SERBP1: variants seen among roughly 807,000 people sequenced by gnomAD.
The protein encoded by SERBP1 is SERPINE1 mRNA binding protein 1, also known as SERPINE1 mRNA-binding protein 1.
SERBP1 carries 6 observed loss-of-function variants against 50.2 expected under a neutral mutation model. That is an observed-to-expected ratio of 0.12 (90% CI 0.07 to 0.24). The LOEUF (loss-of-function observed/expected upper bound fraction) is 0.24. SERBP1 is among the 10% of genes least tolerant of loss of function. The pLI, the probability that SERBP1 is intolerant of heterozygous loss-of-function variation, is 1.00. For synonymous variants in SERBP1, 168 were observed against 182.8 expected, an observed-to-expected ratio of 0.92 and a Z score of 0.65; for missense variants, 346 against 524.9, an observed-to-expected ratio of 0.66 and a Z score of 3.33.
chr1:67,411,526 GCAT>G lies in SERBP1; in HGVS notation c.*1678_*1680del, dbSNP rs902496250. 21 of 152,242 alleles carry G rather than the reference GCAT, an allele frequency of 1.4e-4. No homozygotes were observed. The South Asian group carries it at 1.5e-3, about 11-fold the overall frequency. The allele number at this position is 152,242 out of a possible 1,614,324, so 9.4% of individuals were successfully genotyped here. On this transcript the variant is annotated 3_prime_UTR_variant, in exon 8 of 8. Coordinates refer to ENST00000361219, the MANE Select transcript of SERBP1 (RefSeq NM_001018069.2). ...TTAGCACCAGTGCAGAACATGCTCA[GCAT>G]CATAAGATCCAAAACACCAGCACAA...
rs936630250 is a variant in SERBP1 at position 67,430,126 on chromosome 1, C to T, written c.175G>A (p.Ala59Thr). ...PGAKSAAQAA[A>T]QTNSNAAGKQ... ...CCTGCCGCGTTGGAGTTGGTCTGGG[C>T]CGCGGCCTGAGCTGCGCTCTTGGCC... Residue 59 changes from alanine to threonine, a missense_variant, in exon 1 of 8, where the codon GCC becomes ACC. Transcript: ENST00000361219. 1 of 1,612,008 alleles carries T rather than the reference C, an allele frequency of 6.2e-7. No homozygotes were observed. The highest frequency in any genetic ancestry group is 8.5e-7 in the Non-Finnish European group (1 of 1,179,800).
In SERBP1 at chr1:67,415,284, A is replaced by G; in HGVS notation, c.1007T>C (p.Ile336Thr). Reference protein sequence around the residue: ...DHHFRKPANDITSQLEINFGD... With the variant: ...DHHFRKPANDTTSQLEINFGD... ...AAAATTGATCTCCAGCTGAGACGTTATATCATTTGCTGGCTTCCGGAAATG... is the reference window on the plus strand; with the variant it reads ...AAAATTGATCTCCAGCTGAGACGTTGTATCATTTGCTGGCTTCCGGAAATG... The change falls in exon 7 of 8, where the codon ATA becomes ACA. Residue 336 changes from isoleucine (I) to threonine (T), a missense_variant. By Grantham distance (89) the Ile-to-Thr change is moderately conservative (BLOSUM62 -1). Coordinates refer to ENST00000361219, the MANE Select transcript of SERBP1 (RefSeq NM_001018069.2). 6.2e-7 allele frequency: 1 copy of G among 1,611,326 alleles called. No homozygotes were observed. The highest frequency in any genetic ancestry group is 8.5e-7 in the Non-Finnish European group (1 of 1,178,756).
chr1:67,414,668 C>A (rs1226216926), intron 7 of SERBP1, among the ~76,000 whole-genome samples: 1 of 152,106 alleles, frequency 6.6e-6, no homozygotes, highest in East Asian at 1.9e-4. Context: ...CCAGCTCTCA[C>A]AGAAGAGTCT....
At position 67,426,162 on chromosome 1, in the gene SERBP1, C is replaced by T; in HGVS notation, c.437G>A (p.Gly146Asp). 1.9e-6 allele frequency: 3 copies of T among 1,607,584 alleles called. No homozygotes were observed. The highest frequency in any genetic ancestry group is 2.5e-6 in the Non-Finnish European group (3 of 1,177,882). ...RRFEKPLEEK[G>D]EGGEFSVDRP... The stretch of plus-strand genomic sequence containing the variant: ...ATCAACTGAAAATTCGCCTCCTTCA[C>T]CCTTTTCTTCAAGTGGCTTTTCGAA... The change falls in exon 2 of 8, where the codon GGT becomes GAT. Residue 146 changes from glycine (G) to aspartate (D), a missense_variant. Transcript: ENST00000361219.
At chr1:67,413,328 G>T in intron 7 of SERBP1, 65 bp from the exon 8 acceptor site, 2 of 1,378,762 alleles carry the variant, frequency 1.5e-6, no homozygotes, top group Non-Finnish European at 9.8e-7. Flanking sequence ...GTTAGCTAGT[G>T]TCTACATTAA....
In SERBP1 at chr1:67,409,620, T is replaced by C. The variant is rs1315424017; in HGVS notation, c.*3587A>G. The C allele has an allele frequency of 6.6e-6, 1 of 152,166 alleles. No homozygotes were observed. The highest frequency in any genetic ancestry group is 1.5e-5 in the Non-Finnish European group (1 of 68,022). The allele number at this position is 152,166 out of a possible 1,614,324, so 9.4% of individuals were successfully genotyped here. A position where few individuals can be genotyped will look rare whatever the true frequency, so the allele number is the denominator to read the frequency against. On this transcript the variant is annotated 3_prime_UTR_variant, in exon 8 of 8. Transcript: ENST00000361219. ...TTACAACCTTGTTTTCACTATATTC[T>C]TGAAATTACCGACTTCCTCAGCCTG...
intron 6 of SERBP1, among the ~76,000 whole-genome samples, chr1:67,418,346 A>G (rs1667093709): frequency 6.6e-6 from 1 of 152,094 alleles, no homozygotes; most frequent in Admixed American, 6.5e-5. Context: ...TTTACTACTC[A>G]TATGAAGTAA....
At position 67,409,934 on chromosome 1, in the gene SERBP1, A is replaced by T. The variant is rs533502850; in HGVS notation, c.*3273T>A. The T allele has an allele frequency of 6.6e-6, 1 of 152,362 alleles. No homozygotes were observed. Among genetic ancestry groups the T allele is most frequent in the East Asian group, 1.9e-4 (1 of 5,186 alleles). 9.4% of individuals were successfully genotyped at this position (152,362 alleles called of 1,614,324 possible). A position where few individuals can be genotyped will look rare whatever the true frequency, so the allele number is the denominator to read the frequency against. On this transcript the variant is annotated 3_prime_UTR_variant, in exon 8 of 8. Coordinates refer to ENST00000361219, the MANE Select transcript of SERBP1 (RefSeq NM_001018069.2). ...TGGGCTTTTCTTAGTTAACCTGAAGATCTCGCTGGTACATGTTCAGACTTG... is the reference window on the plus strand; with the variant it reads ...TGGGCTTTTCTTAGTTAACCTGAAGTTCTCGCTGGTACATGTTCAGACTTG...
At chr1:67,418,668 A>G (rs1214946665) in intron 6 of SERBP1, among the ~76,000 whole-genome samples, 1 of 152,142 alleles carries the variant, frequency 6.6e-6, no homozygotes, top group Non-Finnish European at 1.5e-5. Context: ...TTGAGACACA[A>G]GAACTGTTTG....
Position 67,421,676 on chromosome 1 carries a change from G to A in SERBP1, c.774-1490C>T, listed in dbSNP as rs562474931. On this transcript the variant is annotated intron_variant, in intron 5 of 7. Transcript: ENST00000361219. Reference sequence around the variant, plus strand: ...TGGGCTCTATTAAACAGTTGTGGTTGGACACGGTGGCTCACACCTGTAATC... The same window carrying A: ...TGGGCTCTATTAAACAGTTGTGGTTAGACACGGTGGCTCACACCTGTAATC... 2.1e-4 allele frequency among the ~76,000 whole-genome samples: 32 copies of A among 152,268 alleles called. No individual in the cohort carries two copies. In the South Asian group the frequency reaches 3.1e-3, roughly 15 times the overall value.
Position 67,420,164 on chromosome 1 carries a change from T to C in SERBP1, c.796A>G (p.Lys266Glu), listed in dbSNP as rs1007615536. 1 of 1,611,866 alleles carries C rather than the reference T, an allele frequency of 6.2e-7. No homozygotes were observed. Among genetic ancestry groups the C allele is most frequent in the Non-Finnish European group, 8.5e-7 (1 of 1,179,378 alleles). ...GTCATCTCTTTTGGACCCTCCTCTT[T>C]TACCTCTTCAACTTCATTCTCCCTG... ...ENKENEVEEV[K>E]EEGPKEMTLD... The change falls in exon 6 of 8, where the codon AAA becomes GAA. Residue 266 changes from lysine (K) to glutamate (E), a missense_variant. By Grantham distance (56) the Lys-to-Glu change is moderately conservative. Coordinates refer to ENST00000361219, the MANE Select transcript of SERBP1 (RefSeq NM_001018069.2).
rs1198272909 is a variant in SERBP1, at chr1:67,425,234, A to C, written c.465-11T>G. ...CGGTCAATAATCGGTCTATAATATA[A>C]ACAAATAAATTATACTTCCATGGTT... On this transcript the variant is annotated splice_polypyrimidine_tract_variant and intron_variant, in intron 2 of 7. Transcript: ENST00000361219. 6.3e-7 allele frequency: 1 copy of C among 1,578,112 alleles called. No individual in the cohort carries two copies.
At chr1:67,426,110 G>A (rs750274261) in intron 2 of SERBP1, 25 bp downstream of exon 2, 2 of 1,592,454 alleles carry the variant, frequency 1.3e-6, no homozygotes, top group South Asian at 1.1e-5. Flanking sequence ...CCAAGACCCT[G>A]GCTCAAAAAC....
rs1666797752 is a variant in SERBP1 at position 67,410,463 on chromosome 1, A to G, written c.*2744T>C. ...ATGTGTACTACTTTTATTTAAAAAA[A>G]TAAGAGTAAAGGAACTAACTAGATG... On this transcript the variant is annotated 3_prime_UTR_variant, in exon 8 of 8. Transcript: ENST00000361219. 1.3e-5 allele frequency: 2 copies of G among 152,204 alleles called. No individual in the cohort carries two copies. The highest frequency in any genetic ancestry group is 2.1e-4 in the South Asian group (1 of 4,830). The allele number at this position is 152,204 out of a possible 1,614,324, so 9.4% of individuals were successfully genotyped here.
At chr1:67,428,980 GCT>G (rs1256802897) in intron 1 of SERBP1, among the ~76,000 whole-genome samples, 2 of 152,096 alleles carry the variant, frequency 1.3e-5, no homozygotes, top group African/African-American at 2.4e-5. Flanking sequence ...CAAACTGCTT[GCT>G]CTTTTTTTTC....
At chr1:67,419,062 G>A (rs181249418) in intron 6 of SERBP1, among the ~76,000 whole-genome samples, 50 of 152,236 alleles carry the variant, frequency 3.3e-4, no homozygotes, top group Middle Eastern at 6.8e-3. Context: ...CAAATCAAAA[G>A]CCATCAATGT....
chr1:67,421,594 C>A (rs1026547218), intron 5 of SERBP1, among the ~76,000 whole-genome samples: 1 of 152,184 alleles, frequency 6.6e-6, no homozygotes. Context: ...CCTATCAATA[C>A]ATTAGTACCT....
intron 5 of SERBP1, among the ~76,000 whole-genome samples, chr1:67,423,375 G>A (rs1405322148): frequency 2.0e-5 from 3 of 152,114 alleles, no homozygotes; most frequent in African/African-American, 7.2e-5. Context: ...GGGAGGCCAA[G>A]GTGGGTGGCT....
intron 6 of SERBP1, 22 bp from the exon 7 acceptor site, chr1:67,415,361 A>T (rs770073860): frequency 6.5e-7 from 1 of 1,533,620 alleles, no homozygotes; most frequent in Admixed American, 2.2e-5. Flanking sequence ...AGTGAAGATG[A>T]TTGTGTTATT....
Sources: gnomAD v4.1 joint callset for allele counts (sites outside exome capture counted in the v4.1 genomes callset) on GRCh38, gnomAD v4.1.1 for gene constraint, MANE v1.5 for transcripts, NCBI Gene and HGNC (gene_info 2026-07-23, HGNC 2026-07-21) for gene names.